The following SCMH1 variants were observed in gnomAD, a reference collection of about 807,000 sequenced individuals.
The protein encoded by SCMH1 is polycomb protein SCMH1.
Under a neutral mutation model 70.8 loss-of-function variants are expected in SCMH1, and 37 were observed. The observed-to-expected ratio is 0.52, with a 90% CI of 0.40 to 0.69. The LOEUF is 0.69. Ranked by LOEUF, SCMH1 falls within the 30% of genes least tolerant of loss-of-function variation. The probability of loss-of-function intolerance (pLI) is 0.00; values close to 1 mark genes in which losing one functional copy is unlikely to be tolerated. For missense variants in SCMH1, 607 were observed against 827.3 expected, an observed-to-expected ratio of 0.73 and a Z score of 3.27; for synonymous variants, 292 against 307.4, an observed-to-expected ratio of 0.95 and a Z score of 0.52.
chr1:41,097,737 C>T (rs1189221232), intron 8 of SCMH1, among the ~76,000 whole-genome samples: 2 of 152,218 alleles, frequency 1.3e-5, no homozygotes, highest in Admixed American at 1.3e-4. Flanking sequence ...ACCAGTCTCT[C>T]TCCCTCTAAC....
chr1:41,103,729 C>T lies in SCMH1; in HGVS notation c.745+9554G>A, dbSNP rs535434241. Among the ~76,000 whole-genome samples, 220 of 152,242 alleles carry T rather than the reference C, an allele frequency of 1.4e-3. 1 individual carries two copies. The highest frequency in any genetic ancestry group is 5.1e-3 in the African/African-American group (212 of 41,540). On this transcript the variant is annotated intron_variant, in intron 8 of 14. Transcript: ENST00000337495. The stretch of plus-strand genomic sequence containing the variant: ...CATTATACATGTCGAAAACTGCTAC[C>T]ATTCTCAGGCATCTGGAGTTTGTGA...
chr1:41,114,661 T>TTCTCTC (rs61013208), intron 7 of SCMH1, among the ~76,000 whole-genome samples: 66,927 of 147,990 alleles, frequency 0.45, 16,487 homozygotes, highest in African/African-American at 0.67. Flanking sequence ...AAGATTTCCT[T>TTCTCTC]TCTCTCTCTC....
At chr1:41,183,653 GA>G (rs771046531) in intron 2 of SCMH1, among the ~76,000 whole-genome samples, 5 of 145,658 alleles carry the variant, frequency 3.4e-5, no homozygotes, top group African/African-American at 1.0e-4. Context: ...GCAGTCAAAA[GA>G]AAAAAAAAAG....
At chr1:41,201,700 G>C (rs11590173) in intron 1 of SCMH1, among the ~76,000 whole-genome samples, 1 of 152,204 alleles carries the variant, frequency 6.6e-6, no homozygotes, top group South Asian at 2.1e-4. Flanking sequence ...AAAGAACTCA[G>C]GAAGGGGCTC....
At chr1:41,129,979 C>G (rs1234703774) in intron 6 of SCMH1, among the ~76,000 whole-genome samples, 1 of 152,140 alleles carries the variant, frequency 6.6e-6, no homozygotes, top group South Asian at 2.1e-4. Context: ...TCTCCACATC[C>G]TCATCAACAC....
At chr1:41,065,286 C>T (rs1482801663) in intron 10 of SCMH1, among the ~76,000 whole-genome samples, 2 of 152,128 alleles carry the variant, frequency 1.3e-5, no homozygotes, top group Non-Finnish European at 2.9e-5. Context: ...AGTTTGAGAC[C>T]TGGGCAACAT....
intron 2 of SCMH1, among the ~76,000 whole-genome samples, chr1:41,176,825 C>G (rs552435032): frequency 6.6e-6 from 1 of 152,312 alleles, no homozygotes; most frequent in Admixed American, 6.5e-5. Context: ...CCTCTCAGGG[C>G]AGGGCATAGC....
intron 8 of SCMH1, among the ~76,000 whole-genome samples, chr1:41,085,244 G>T (rs981445773): frequency 1.3e-5 from 2 of 151,886 alleles, no homozygotes; most frequent in Non-Finnish European, 2.9e-5. Flanking sequence ...TTCAATATTA[G>T]GAAATCAATC....
rs1456891901 is a variant in SCMH1, at chr1:41,080,293, C to A, written c.746-4842G>T. ...AACTGGCTTCACTGATGAATTCTAG[C>A]AAATATTTAAAGAAGAAATAATAAC... is the stretch of plus-strand genomic sequence containing the variant. On this transcript the variant is annotated intron_variant, in intron 8 of 14. Transcript: ENST00000337495. Among the ~76,000 whole-genome samples, 3 of 151,886 alleles carry A rather than the reference C, an allele frequency of 2.0e-5. No homozygotes were observed. In the East Asian group the frequency reaches 5.8e-4, roughly 29 times the overall value.
intron 1 of SCMH1, among the ~76,000 whole-genome samples, chr1:41,210,878 C>T (rs529133752): frequency 1.7e-4 from 26 of 151,388 alleles, no homozygotes; most frequent in Admixed American, 5.3e-4. Flanking sequence ...GGCATGATCT[C>T]GACTCACTGC....
intron 9 of SCMH1, among the ~76,000 whole-genome samples, chr1:41,074,339 A>C (rs991708161): frequency 2.2e-4 from 34 of 152,296 alleles, no homozygotes; most frequent in African/African-American, 8.2e-4. Flanking sequence ...TAGCCATGTG[A>C]TCTTAGAAAA....
intron 9 of SCMH1, among the ~76,000 whole-genome samples, chr1:41,072,413 C>G (rs1404551090): frequency 3.9e-5 from 6 of 152,172 alleles, no homozygotes; most frequent in Non-Finnish European, 8.8e-5. Flanking sequence ...CATACATTAT[C>G]TCATTTCCAT....
chr1:41,108,147 A>G (rs528812682), intron 8 of SCMH1, among the ~76,000 whole-genome samples: 3 of 152,324 alleles, frequency 2.0e-5, no homozygotes, highest in East Asian at 3.9e-4. Context: ...CAGGTATGCT[A>G]AAGTGCAGCA....
In SCMH1 at chr1:41,113,631, C is replaced by A. The variant is rs1046989235; in HGVS notation, c.502-105G>T. ...ATTAAAAAGTGACTGCTACATGAGA[C>A]TTATAATGGATATATAGCCTTTCTT... is the stretch of plus-strand genomic sequence containing the variant. On this transcript the variant is annotated intron_variant, in intron 7 of 14. Transcript: ENST00000337495. The surrounding 1 kb of genome is among the most constrained non-coding windows in gnomAD (Gnocchi z 4.3). 10 of 1,200,596 alleles carry A rather than the reference C, an allele frequency of 8.3e-6. No homozygotes were observed. Among genetic ancestry groups the A allele is most frequent in the Middle Eastern group, 2.0e-4 (1 of 5,100 alleles). The allele number at this position is 1,200,596 out of a possible 1,614,324, so 74.4% of individuals were successfully genotyped here.
At chr1:41,064,531 G>T (rs2148831037) in intron 10 of SCMH1, among the ~76,000 whole-genome samples, 1 of 152,270 alleles carries the variant, frequency 6.6e-6, no homozygotes, top group African/African-American at 2.4e-5. Context: ...ATTAATAAGT[G>T]ATTACAAGAA....
chr1:41,112,107 TTC>T (rs1293342538), intron 8 of SCMH1, among the ~76,000 whole-genome samples: 3 of 152,208 alleles, frequency 2.0e-5, no homozygotes, highest in Admixed American at 1.3e-4. Context: ...ATTATTTTAT[TTC>T]TGTCTATAAA....
rs112291264 is a variant in SCMH1, at chr1:41,205,344, C to T, written c.-117-19094G>A. On this transcript the variant is annotated intron_variant, in intron 1 of 14. Transcript: ENST00000337495. ...AAATCAGTACACCTCTGCCCAAATA[C>T]TGTGCTTTTCCCATGGTCTTAGCAA... Among the ~76,000 whole-genome samples, 1,457 of 152,334 alleles carry T rather than the reference C, an allele frequency of 9.6e-3. 29 individuals are homozygous for T. The highest frequency in any genetic ancestry group is 0.033 in the African/African-American group (1,375 of 41,578).
At chr1:41,176,705 G>A (rs951608214) in intron 2 of SCMH1, among the ~76,000 whole-genome samples, 12 of 152,212 alleles carry the variant, frequency 7.9e-5, no homozygotes, top group African/African-American at 2.9e-4. Flanking sequence ...GCTGGGGGAG[G>A]GGCGCCCGCC....
intron 4 of SCMH1, chr1:41,159,816 G>T: frequency 6.8e-7 from 1 of 1,470,886 alleles, no homozygotes; most frequent in East Asian, 2.6e-5. Flanking sequence ...TTAGAGTAAA[G>T]TCTGAGTATA....
Sources: allele counts gnomAD v4.1 joint callset (sites outside exome capture counted in the v4.1 genomes callset), GRCh38; gene constraint gnomAD v4.1.1; non-coding constraint Gnocchi (gnomAD v3.1); transcripts MANE v1.5; gene names NCBI Gene and HGNC (gene_info 2026-07-23, HGNC 2026-07-21).